The following PHF21B variants were observed in gnomAD, a reference collection of about 807,000 sequenced individuals.
The protein encoded by PHF21B is PHD finger protein 21B.
In PHF21B, 22 loss-of-function variants were observed where a neutral mutation model predicts 62.2. The ratio of observed to expected loss-of-function variants is 0.35; its 90% CI spans 0.25 to 0.51. The LOEUF is 0.51. Ranked by LOEUF, PHF21B falls within the 20% of genes least tolerant of loss-of-function variation. The pLI is 0.97. For missense variants in PHF21B, 701 were observed against 707.9 expected, an observed-to-expected ratio of 0.99 and a Z score of 0.11; for synonymous variants, 341 against 314.7, an observed-to-expected ratio of 1.08 and a Z score of -0.88.
intron 2 of PHF21B, among the ~76,000 whole-genome samples, chr22:44,993,012 C>T (rs1023418021): frequency 6.6e-6 from 1 of 152,206 alleles, no homozygotes; most frequent in Non-Finnish European, 1.5e-5. Flanking sequence ...GACTCTGCAT[C>T]CTCACACTTG....
chr22:44,976,866 C>A (rs560234344), intron 2 of PHF21B, among the ~76,000 whole-genome samples: 1 of 152,204 alleles, frequency 6.6e-6, no homozygotes, highest in African/African-American at 2.4e-5. Flanking sequence ...CAGGGCCGGG[C>A]GGGGGCTCAC....
At chr22:44,962,808 T>TG (rs1364379776) in intron 2 of PHF21B, among the ~76,000 whole-genome samples, 1 of 151,880 alleles carries the variant, frequency 6.6e-6, no homozygotes, top group Non-Finnish European at 1.5e-5. Flanking sequence ...TGGGGCAGGG[T>TG]GGGGGCGTGC....
intron 2 of PHF21B, among the ~76,000 whole-genome samples, chr22:44,929,942 T>A (rs2071707949): frequency 6.6e-6 from 1 of 152,142 alleles, no homozygotes; most frequent in Admixed American, 6.6e-5. Context: ...GAAGGACCCC[T>A]GCAGCACCTG....
At chr22:44,921,384 T>C (rs1217362865) in intron 2 of PHF21B, among the ~76,000 whole-genome samples, 1 of 151,932 alleles carries the variant, frequency 6.6e-6, no homozygotes, top group Non-Finnish European at 1.5e-5. Context: ...TTTTTTTTTC[T>C]TGAGACGGAG....
intron 6 of PHF21B, among the ~76,000 whole-genome samples, chr22:44,894,943 G>A (rs1400882300): frequency 6.6e-6 from 1 of 152,212 alleles, no homozygotes; most frequent in Non-Finnish European, 1.5e-5. Context: ...CTGGGCTTCG[G>A]TGGCTCACCT....
chr22:44,942,461 CTG>C (rs2071977463), intron 2 of PHF21B, among the ~76,000 whole-genome samples: 1 of 152,190 alleles, frequency 6.6e-6, no homozygotes, highest in Non-Finnish European at 1.5e-5. Context: ...CCCCCCAGCT[CTG>C]TGGAAAGGTA....
chr22:44,900,617 A>G (rs2071141198), intron 5 of PHF21B, among the ~76,000 whole-genome samples: 1 of 152,192 alleles, frequency 6.6e-6, no homozygotes, highest in African/African-American at 2.4e-5. Flanking sequence ...ACAACTTTTT[A>G]TCTGTAGCCT....
At chr22:44,926,777 T>C (rs149802871) in intron 2 of PHF21B, among the ~76,000 whole-genome samples, 223 of 152,248 alleles carry the variant, frequency 1.5e-3, no homozygotes, top group Admixed American at 2.7e-3. Context: ...TGGCCATGTA[T>C]CCGTGTCCGG....
chr22:44,893,462 T>C lies in PHF21B; in HGVS notation c.955A>G (p.Thr319Ala). Residue 319 changes from threonine to alanine, a missense_variant, in exon 7 of 13, where the codon ACC (threonine) becomes GCC (alanine). Coordinates refer to ENST00000313237, the MANE Select transcript of PHF21B (RefSeq NM_138415.5). ...ANPAYSGLLE[T>A]ERKRLASNYL... ...GGGGCTGGCGGGTTCCCCACCTCGG[T>C]CTCCAGGAGGCCGCTGTAGGCAGGG... is the stretch of plus-strand genomic sequence containing the variant. The C allele has an allele frequency of 6.3e-7, 1 of 1,596,834 alleles. No individual in the cohort carries two copies. The highest frequency in any genetic ancestry group is 8.5e-7 in the Non-Finnish European group (1 of 1,172,090).
chr22:44,947,563 A>G (rs2147380909), intron 2 of PHF21B, among the ~76,000 whole-genome samples: 1 of 152,242 alleles, frequency 6.6e-6, no homozygotes, highest in South Asian at 2.1e-4. Flanking sequence ...CTGGGCCCAG[A>G]GCACTCACCG....
intron 2 of PHF21B, among the ~76,000 whole-genome samples, chr22:44,923,844 G>GA (rs201542639): frequency 0.012 from 1,719 of 148,920 alleles, 37 homozygotes; most frequent in African/African-American, 0.04. Flanking sequence ...ATAGTCTCTA[G>GA]AAAAAAAAAA....
rs533726056 is a variant in PHF21B, at chr22:44,911,852, C to T, written c.831+1970G>A. Among the ~76,000 whole-genome samples, 4 of 152,038 alleles carry T rather than the reference C, an allele frequency of 2.6e-5. 1 individual carries two copies. Among genetic ancestry groups the T allele is most frequent in the African/African-American group, 9.7e-5 (4 of 41,356 alleles). ...CTGGACACCAGAATGATAGATCCAC[C>T]AACAGCTCGTACTGTGCACCTGGAA... On this transcript the variant is annotated intron_variant, in intron 5 of 12. Coordinates refer to ENST00000313237, the MANE Select transcript of PHF21B (RefSeq NM_138415.5).
intron 12 of PHF21B, among the ~76,000 whole-genome samples, chr22:44,883,920 G>A (rs903353731): frequency 6.6e-6 from 1 of 151,958 alleles, no homozygotes; most frequent in African/African-American, 2.4e-5. Flanking sequence ...CCCAGGGCCC[G>A]CTACCATCAC....
intron 7 of PHF21B, among the ~76,000 whole-genome samples, chr22:44,891,801 G>A (rs1267757391): frequency 6.6e-6 from 1 of 152,252 alleles, no homozygotes; most frequent in Non-Finnish European, 1.5e-5. Flanking sequence ...AACATCACAT[G>A]TGGACAAAGG....
At chr22:44,907,975 T>C (rs1298855263) in intron 5 of PHF21B, among the ~76,000 whole-genome samples, 1 of 152,126 alleles carries the variant, frequency 6.6e-6, no homozygotes, top group Non-Finnish European at 1.5e-5. Flanking sequence ...TGTGGCCCCC[T>C]GGGAAGGCTG....
intron 2 of PHF21B, among the ~76,000 whole-genome samples, chr22:44,976,150 G>A (rs2072734880): frequency 6.6e-6 from 1 of 152,174 alleles, no homozygotes; most frequent in African/African-American, 2.4e-5. Flanking sequence ...TAGCCTGGGC[G>A]ACAGAGCAAG....
At position 44,891,419 on chromosome 22, in the gene PHF21B, G is replaced by A. The variant is rs78617543; in HGVS notation, c.961-59C>T. The stretch of plus-strand genomic sequence containing the variant: ...TCATCTGGAGGCTCTCTTCGATGGT[G>A]ACGTCACCCCAGGTCAGGACTCTCT... On this transcript the variant is annotated intron_variant, in intron 7 of 12. Transcript: ENST00000313237. 1,395 of 1,584,302 alleles carry A rather than the reference G, an allele frequency of 8.8e-4. 15 individuals carry two copies. In the African/African-American group the frequency reaches 0.017, roughly 19 times the overall value.
At chr22:44,938,347 C>G (rs369159478) in intron 2 of PHF21B, among the ~76,000 whole-genome samples, 1 of 152,242 alleles carries the variant, frequency 6.6e-6, no homozygotes, top group Admixed American at 6.5e-5. Flanking sequence ...CATTCTCATG[C>G]CTCAGCCTCC....
intron 2 of PHF21B, among the ~76,000 whole-genome samples, chr22:44,963,480 A>G (rs1212966628): frequency 6.6e-6 from 1 of 152,204 alleles, no homozygotes; most frequent in African/African-American, 2.4e-5. Context: ...CCCTAAGATG[A>G]CGTGACCCAT....
Sources: allele counts gnomAD v4.1 joint callset (sites outside exome capture counted in the v4.1 genomes callset), GRCh38; gene constraint gnomAD v4.1.1; transcripts MANE v1.5; gene names NCBI Gene and HGNC (gene_info 2026-07-23, HGNC 2026-07-21).